The following CCDC181 variants were observed in gnomAD, a reference collection of about 807,000 sequenced individuals.
CCDC181 encodes the protein coiled-coil domain containing 181, also known as coiled-coil domain-containing protein 181.
Under a neutral mutation model 58.7 loss-of-function variants are expected in CCDC181, and 35 were observed. The ratio of observed to expected loss-of-function variants is 0.60; its 90% CI spans 0.46 to 0.79. The LOEUF is 0.79. CCDC181 is among the 30% of genes least tolerant of loss of function. The pLI, the probability that CCDC181 is intolerant of heterozygous loss-of-function variation, is 0.00. For missense variants in CCDC181, 517 were observed against 583.9 expected, an observed-to-expected ratio of 0.89 and a Z score of 1.18; for synonymous variants, 183 against 197.5, an observed-to-expected ratio of 0.93 and a Z score of 0.62.
chr1:169,436,803 C>A (rs1054481523), intron 2 of CCDC181, among the ~76,000 whole-genome samples: 1 of 152,120 alleles, frequency 6.6e-6, no homozygotes, highest in African/African-American at 2.4e-5. Context: ...CTTCTGGGCC[C>A]ACTGGGAGGT....
chr1:169,458,198 T>G (rs1657733462), intron 2 of CCDC181, among the ~76,000 whole-genome samples: 1 of 148,214 alleles, frequency 6.7e-6, no homozygotes, highest in African/African-American at 2.6e-5. Context: ...TGTTTTGTTT[T>G]TTTTGCCATT....
chr1:169,441,515 C>T (rs1657228286), intron 2 of CCDC181, among the ~76,000 whole-genome samples: 2 of 152,008 alleles, frequency 1.3e-5, no homozygotes, highest in Admixed American at 1.3e-4. Flanking sequence ...TCTAGGTACC[C>T]TCTCCCTCTC....
At chr1:169,444,475 T>C (rs999654506) in intron 2 of CCDC181, among the ~76,000 whole-genome samples, 11 of 152,160 alleles carry the variant, frequency 7.2e-5, no homozygotes, top group African/African-American at 2.4e-4. Context: ...TCCAGACACG[T>C]TCCTAATGGT....
chr1:169,439,917 C>T (rs1488700943), intron 2 of CCDC181, among the ~76,000 whole-genome samples: 2 of 150,620 alleles, frequency 1.3e-5, no homozygotes, highest in East Asian at 3.9e-4. Context: ...TCAGATGCTC[C>T]TTCTCTTCTC....
intron 5 of CCDC181, chr1:169,396,039 G>C (rs919642545): frequency 6.6e-6 from 1 of 152,080 alleles, no homozygotes; most frequent in Non-Finnish European, 1.5e-5. Context: ...ATGGATATGG[G>C]CTGGATATTC....
At chr1:169,403,157 T>A (rs556776728) in intron 4 of CCDC181, among the ~76,000 whole-genome samples, 6 of 152,284 alleles carry the variant, frequency 3.9e-5, no homozygotes, top group African/African-American at 1.4e-4. Context: ...CCCAGATTCA[T>A]AAAGCAAACC....
At chr1:169,410,793 T>A (rs1411779754) in intron 4 of CCDC181, among the ~76,000 whole-genome samples, 2 of 152,300 alleles carry the variant, frequency 1.3e-5, no homozygotes, top group East Asian at 3.9e-4. Context: ...GAATGACTAC[T>A]GGGTAAATAA....
chr1:169,413,728 A>G (rs891687335), intron 4 of CCDC181, among the ~76,000 whole-genome samples: 2 of 152,172 alleles, frequency 1.3e-5, no homozygotes, highest in Non-Finnish European at 2.9e-5. Flanking sequence ...AGGGACATCA[A>G]TGAAGCTGGA....
At position 169,394,975 on chromosome 1, in the gene CCDC181, G is replaced by C; in HGVS notation, c.*72C>G. 1 of 1,328,276 alleles carries C rather than the reference G, an allele frequency of 7.5e-7. No individual in the cohort carries two copies. The highest frequency in any genetic ancestry group is 1.5e-5 in the African/African-American group (1 of 67,096). The allele number at this position is 1,328,276 out of a possible 1,614,324, so 82.3% of individuals were successfully genotyped here. A position where few individuals can be genotyped will look rare whatever the true frequency, so the allele number is the denominator to read the frequency against. On this transcript the variant is annotated 3_prime_UTR_variant, in exon 6 of 6. Coordinates refer to ENST00000367806, the MANE Select transcript of CCDC181 (RefSeq NM_001300969.2). ...TTCCATAATTTAGAATACAACCAAA[G>C]TACACAGACCCTAAGAAATCATATC...
chr1:169,448,800 T>C (rs1317860964), intron 2 of CCDC181, among the ~76,000 whole-genome samples: 1 of 152,208 alleles, frequency 6.6e-6, no homozygotes, highest in Non-Finnish European at 1.5e-5. Flanking sequence ...ACAATGTGTA[T>C]GTTACATCTT....
At chr1:169,436,696 T>G (rs1657063616) in intron 2 of CCDC181, among the ~76,000 whole-genome samples, 1 of 152,326 alleles carries the variant, frequency 6.6e-6, no homozygotes, top group Non-Finnish European at 1.5e-5. Flanking sequence ...AATCTTGAGC[T>G]TCTAAAAAAG....
intron 1 of CCDC181, among the ~76,000 whole-genome samples, chr1:169,425,507 A>G (rs1656676870): frequency 6.6e-6 from 1 of 152,134 alleles, no homozygotes; most frequent in Admixed American, 6.5e-5. Context: ...AAGCCCTTCA[A>G]TAATTTCTAA....
chr1:169,410,520 C>T (rs1655908122), intron 4 of CCDC181, among the ~76,000 whole-genome samples: 1 of 152,212 alleles, frequency 6.6e-6, no homozygotes, highest in Admixed American at 6.5e-5. Context: ...AGGACTTGAA[C>T]TCAGCTCTGG....
intron 4 of CCDC181, among the ~76,000 whole-genome samples, chr1:169,399,827 T>C (rs746054785): frequency 3.3e-5 from 5 of 152,188 alleles, no homozygotes; most frequent in Non-Finnish European, 7.3e-5. Flanking sequence ...CCTGGCTCTG[T>C]ACTTGGTGAC....
At chr1:169,440,296 G>A (rs1421267205) in intron 2 of CCDC181, among the ~76,000 whole-genome samples, 2 of 152,204 alleles carry the variant, frequency 1.3e-5, no homozygotes, top group Non-Finnish European at 2.9e-5. Context: ...ACCACAGGCA[G>A]GTAGCAACAA....
chr1:169,419,245 GA>G (rs1571489712), intron 3 of CCDC181, 86 bp from the exon 4 acceptor site: 2 of 1,390,866 alleles, frequency 1.4e-6, no homozygotes, highest in Non-Finnish European at 1.9e-6. Context: ...TTTGAGATCT[GA>G]AATTAGGATT....
chr1:169,458,176 T>TG (rs1491315509), intron 2 of CCDC181, among the ~76,000 whole-genome samples: 3 of 40,590 alleles, frequency 7.4e-5, no homozygotes, highest in East Asian at 3.2e-3. Context: ...GTAATTTTTG[T>TG]TTTTTTTTTT....
At chr1:169,406,396 C>T (rs1047860218) in intron 4 of CCDC181, among the ~76,000 whole-genome samples, 2 of 152,146 alleles carry the variant, frequency 1.3e-5, no homozygotes, top group Admixed American at 6.5e-5. Flanking sequence ...CGGAACCAAC[C>T]CAAACGTCCA....
intron 1 of CCDC181, among the ~76,000 whole-genome samples, chr1:169,427,077 T>C (rs1027446464): frequency 3.9e-5 from 6 of 152,104 alleles, no homozygotes; most frequent in Non-Finnish European, 7.4e-5. Flanking sequence ...GTATCCTTCA[T>C]ACATAGTGAA....
Sources: allele counts gnomAD v4.1 joint callset (sites outside exome capture counted in the v4.1 genomes callset), GRCh38; gene constraint gnomAD v4.1.1; transcripts MANE v1.5; gene names NCBI Gene and HGNC (gene_info 2026-07-23, HGNC 2026-07-21).